Variants in SPECC1 observed in about 807,000 individuals in gnomAD.
SPECC1 encodes the protein sperm antigen with calponin homology and coiled-coil domains 1.
Under a neutral mutation model 104.1 loss-of-function variants are expected in SPECC1, and 62 were observed. The observed-to-expected ratio is 0.60, with a 90% CI of 0.49 to 0.74. SPECC1 has a LOEUF of 0.74. Ranked by LOEUF, SPECC1 falls within the 30% of genes least tolerant of loss-of-function variation. The probability of loss-of-function intolerance (pLI) is 0.00; values close to 1 mark genes in which losing one functional copy is unlikely to be tolerated. For missense variants in SPECC1, 1,306 were observed against 1,310.5 expected, an observed-to-expected ratio of 1.00 and a Z score of 0.05; for synonymous variants, 513 against 501.6, an observed-to-expected ratio of 1.02 and a Z score of -0.30.
chr17:20,162,541 G>A (rs2033264172), intron 3 of SPECC1, among the ~76,000 whole-genome samples: 2 of 152,200 alleles, frequency 1.3e-5, no homozygotes, highest in Admixed American at 1.3e-4. Context: ...TGATTCATAG[G>A]TTAAAACATA....
intron 3 of SPECC1, among the ~76,000 whole-genome samples, chr17:20,188,346 C>T (rs529560749): frequency 1.3e-5 from 2 of 150,874 alleles, no homozygotes; most frequent in Non-Finnish European, 3.0e-5. Context: ...GCAGCCTCTG[C>T]CTCCTGGATT....
intron 1 of SPECC1, among the ~76,000 whole-genome samples, chr17:20,020,892 T>G (rs751709599): frequency 4.6e-5 from 7 of 152,204 alleles, no homozygotes; most frequent in Non-Finnish European, 8.8e-5. Flanking sequence ...GGGAACTGAT[T>G]GCCTGCACAG....
chr17:20,156,285 CT>C lies in SPECC1; in HGVS notation c.283+45724del. On this transcript the variant is annotated intron_variant, in intron 3 of 14. Coordinates refer to ENST00000395527, the MANE Select transcript of SPECC1 (RefSeq NM_001243439.2). ...CGCCGCAGCCGCAACCCCACCCCCC[CT>C]CCAGGCGCCCTTCCCCCACCGCCTC... is the stretch of plus-strand genomic sequence containing the variant. The C allele has an allele frequency of 4.5e-6, 6 of 1,321,408 alleles. No individual in the cohort carries two copies. The South Asian group carries it at 1.0e-4, about 23-fold the overall frequency. 81.9% of individuals were successfully genotyped at this position (1,321,408 alleles called of 1,614,324 possible).
chr17:20,312,001 C>T (rs2041946236), intron 14 of SPECC1, among the ~76,000 whole-genome samples: 1 of 152,134 alleles, frequency 6.6e-6, no homozygotes, highest in Non-Finnish European at 1.5e-5. Flanking sequence ...TGGGATGAAC[C>T]TCACTTGATC....
At chr17:20,166,705 G>C (rs531053554) in intron 3 of SPECC1, among the ~76,000 whole-genome samples, 1 of 152,278 alleles carries the variant, frequency 6.6e-6, no homozygotes, top group Admixed American at 6.5e-5. Flanking sequence ...CATTAATGAA[G>C]TAAGTTACGA....
intron 12 of SPECC1, among the ~76,000 whole-genome samples, chr17:20,262,771 G>T (rs769032769): frequency 6.6e-6 from 1 of 152,250 alleles, no homozygotes; most frequent in East Asian, 1.9e-4. Context: ...AATTAGCAGG[G>T]CTGGGAGTCT....
chr17:20,233,758 C>T (rs931610706), intron 7 of SPECC1, among the ~76,000 whole-genome samples: 3 of 152,170 alleles, frequency 2.0e-5, no homozygotes, highest in Non-Finnish European at 4.4e-5. Flanking sequence ...CTAGGTTTCA[C>T]AGTGTTCCCT....
chr17:20,142,797 C>G (rs1478580124), intron 3 of SPECC1, among the ~76,000 whole-genome samples: 3 of 150,604 alleles, frequency 2.0e-5, no homozygotes, highest in Non-Finnish European at 4.4e-5. Context: ...AGATGCCAGC[C>G]TGGCTGACAC....
chr17:20,262,667 T>A (rs1317676803), intron 12 of SPECC1, among the ~76,000 whole-genome samples: 2 of 152,116 alleles, frequency 1.3e-5, no homozygotes, highest in Non-Finnish European at 2.9e-5. Flanking sequence ...AATACTCCCT[T>A]CCCAGGCTGA....
chr17:20,023,015 C>CA (rs1035686663), intron 1 of SPECC1, among the ~76,000 whole-genome samples: 7 of 151,362 alleles, frequency 4.6e-5, no homozygotes, highest in East Asian at 1.9e-4. Context: ...TCCTTTTTGC[C>CA]AAAAAAAACC....
intron 3 of SPECC1, among the ~76,000 whole-genome samples, chr17:20,192,698 G>T (rs1264329783): frequency 6.6e-6 from 1 of 152,090 alleles, no homozygotes; most frequent in African/African-American, 2.4e-5. Context: ...TCACTAGCAA[G>T]GATGACAGTA....
intron 4 of SPECC1, among the ~76,000 whole-genome samples, chr17:20,224,379 C>T (rs530390781): frequency 2.6e-5 from 4 of 152,130 alleles, no homozygotes; most frequent in East Asian, 1.9e-4. Context: ...GCCCAAGGGC[C>T]GTTTAATTAG....
At chr17:20,232,596 TAAGAG>T in intron 7 of SPECC1, 191 bp downstream of exon 7, 1 of 672,768 alleles carries the variant, frequency 1.5e-6, no homozygotes, top group Non-Finnish European at 2.5e-6. Flanking sequence ...TGCTGCAGCA[TAAGAG>T]GCTGCTAAGC....
At position 20,314,361 on chromosome 17, in the gene SPECC1, T is replaced by A. The variant is rs1415285220; in HGVS notation, c.*296T>A. The A allele has an allele frequency of 5.0e-6, 2 of 402,036 alleles. No individual in the cohort carries two copies. Among genetic ancestry groups the A allele is most frequent in the South Asian group, 4.6e-5 (1 of 21,634 alleles). The allele number at this position is 402,036 out of a possible 1,614,324, so 24.9% of individuals were successfully genotyped here. The stretch of plus-strand genomic sequence containing the variant: ...CCAAGACCCCACACCCAGGCTTGTT[T>A]TGCTGATTATATTGGGTGGCTGAAC... On this transcript the variant is annotated 3_prime_UTR_variant, in exon 15 of 15. Coordinates refer to ENST00000395527, the MANE Select transcript of SPECC1 (RefSeq NM_001243439.2).
intron 3 of SPECC1, among the ~76,000 whole-genome samples, chr17:20,146,143 C>A (rs1391403912): frequency 6.6e-6 from 1 of 152,124 alleles, no homozygotes; most frequent in African/African-American, 2.4e-5. Flanking sequence ...GGTTTTGACA[C>A]GTATCCACCA....
rs192746998 is a variant in SPECC1 at position 20,272,515 on chromosome 17, C to A, written c.2940+12221C>A. Among the ~76,000 whole-genome samples, 241 of 152,276 alleles carry A rather than the reference C, an allele frequency of 1.6e-3. 1 individual carries two copies. The highest frequency in any genetic ancestry group is 5.3e-3 in the African/African-American group (220 of 41,552). On this transcript the variant is annotated intron_variant, in intron 12 of 14. Transcript: ENST00000395527. ...CATTTTGCAAAACTTAAATTCTATA[C>A]CCATTAAACACTAATCTGACATTCC...
chr17:20,139,381 G>C (rs2030459311), intron 3 of SPECC1, among the ~76,000 whole-genome samples: 1 of 152,096 alleles, frequency 6.6e-6, no homozygotes, highest in Admixed American at 6.5e-5. Flanking sequence ...TACATATTTA[G>C]TGTCTACTAT....
intron 1 of SPECC1, chr17:20,017,115 G>C (rs1367019563): frequency 1.3e-5 from 2 of 152,238 alleles, no homozygotes; most frequent in African/African-American, 2.4e-5. Flanking sequence ...CCAGATAAGA[G>C]AATAAAAGCA....
At chr17:20,271,264 ACTG>A (rs1342410999) in intron 12 of SPECC1, among the ~76,000 whole-genome samples, 1 of 151,654 alleles carries the variant, frequency 6.6e-6, no homozygotes, top group African/African-American at 2.4e-5. Context: ...ACGTTTATCA[ACTG>A]CTATTTCTAG....
Sources: gnomAD v4.1 joint callset for allele counts (sites outside exome capture counted in the v4.1 genomes callset) on GRCh38, gnomAD v4.1.1 for gene constraint, MANE v1.5 for transcripts, NCBI Gene and HGNC (gene_info 2026-07-23, HGNC 2026-07-21) for gene names.